LRRC69: variants seen among roughly 807,000 people sequenced by gnomAD.
The protein encoded by LRRC69 is leucine-rich repeat-containing protein 69.
In LRRC69, 42 loss-of-function variants were observed where a neutral mutation model predicts 37.8. The ratio of observed to expected loss-of-function variants is 1.11; its 90% CI spans 0.87 to 1.44. The LOEUF (loss-of-function observed/expected upper bound fraction) is 1.44, where lower values mean the gene tolerates loss of function less well. LRRC69 is among the 40% of genes most tolerant of loss of function. The pLI, the probability that LRRC69 is intolerant of heterozygous loss-of-function variation, is 0.00. For missense variants in LRRC69, 357 were observed against 401.9 expected (o/e 0.89, Z 0.96); for synonymous variants, 141 against 143.1 (o/e 0.99, Z 0.11).
chr8:91,182,806 G>A (rs541477311), intron 5 of LRRC69, among the ~76,000 whole-genome samples: 7 of 152,304 alleles, frequency 4.6e-5, no homozygotes, highest in South Asian at 2.1e-4. Context: ...GAGCTGTAGC[G>A]TGTAGAGAAA....
At chr8:91,144,281 A>G (rs1056029092) in intron 5 of LRRC69, among the ~76,000 whole-genome samples, 1 of 151,988 alleles carries the variant, frequency 6.6e-6, no homozygotes, top group African/African-American at 2.4e-5. Context: ...AGGGTGTACA[A>G]GGGTGGCTGG....
chr8:91,154,672 A>C (rs1283207498), intron 5 of LRRC69, among the ~76,000 whole-genome samples: 1 of 151,846 alleles, frequency 6.6e-6, no homozygotes, highest in Non-Finnish European at 1.5e-5. Context: ...AAAATTCAAC[A>C]TCCCTTCATG....
downstream of LRRC69, chr8:91,219,023 A>G (rs1810111280): frequency 3.7e-6 from 5 of 1,341,102 alleles, no homozygotes; most frequent in Admixed American, 1.0e-4. Context: ...GCTCATTCAT[A>G]GCCTCACTCC....
At chr8:91,183,569 C>T (rs2130601640) in intron 5 of LRRC69, among the ~76,000 whole-genome samples, 1 of 151,650 alleles carries the variant, frequency 6.6e-6, no homozygotes, top group Non-Finnish European at 1.5e-5. Flanking sequence ...GAGTGTGGAA[C>T]CAGAGTCTTT....
intron 6 of LRRC69, among the ~76,000 whole-genome samples, chr8:91,197,767 C>T (rs1028910593): frequency 1.3e-5 from 2 of 151,886 alleles, no homozygotes; most frequent in Non-Finnish European, 2.9e-5. Flanking sequence ...GAGATGAACC[C>T]GGTACCTCAG....
At chr8:91,194,992 T>C (rs1369788570) in intron 6 of LRRC69, among the ~76,000 whole-genome samples, 1 of 152,226 alleles carries the variant, frequency 6.6e-6, no homozygotes, top group Non-Finnish European at 1.5e-5. Flanking sequence ...TTGCTATAAA[T>C]TTCCCTCTAC....
At chr8:91,137,805 C>T (rs1308974181) in intron 5 of LRRC69, among the ~76,000 whole-genome samples, 2 of 151,964 alleles carry the variant, frequency 1.3e-5, no homozygotes, top group African/African-American at 4.8e-5. Context: ...AAAAATATGG[C>T]ACAACTGGTG....
chr8:91,154,398 A>T (rs1269464693), intron 5 of LRRC69, among the ~76,000 whole-genome samples: 1 of 151,872 alleles, frequency 6.6e-6, no homozygotes, highest in Non-Finnish European at 1.5e-5. Context: ...CATCATTCTG[A>T]TACCAAAGCC....
intron 5 of LRRC69, among the ~76,000 whole-genome samples, chr8:91,164,321 G>C (rs1217113595): frequency 6.6e-6 from 1 of 151,736 alleles, no homozygotes; most frequent in Middle Eastern, 3.4e-3. Context: ...CTACCCAAAG[G>C]TGTCAGGAAA....
intron 5 of LRRC69, among the ~76,000 whole-genome samples, chr8:91,152,816 T>G (rs893157573): frequency 1.3e-5 from 2 of 150,968 alleles, no homozygotes; most frequent in African/African-American, 4.8e-5. Context: ...AGCAGTGGTT[T>G]GTGAGTGTAC....
chr8:91,184,981 T>C (rs535921175), intron 5 of LRRC69, among the ~76,000 whole-genome samples: 1 of 151,756 alleles, frequency 6.6e-6, no homozygotes, highest in African/African-American at 2.4e-5. Context: ...AACCACTGGG[T>C]GGTTGTAAGA....
intron 7 of LRRC69, among the ~76,000 whole-genome samples, chr8:91,218,440 G>C (rs918727861): frequency 6.6e-6 from 1 of 152,086 alleles, no homozygotes; most frequent in African/African-American, 2.4e-5. Flanking sequence ...GAATAGTACA[G>C]ACAGTGAACA....
At chr8:91,218,561 C>T (rs1810100150) in intron 7 of LRRC69, among the ~76,000 whole-genome samples, 1 of 152,236 alleles carries the variant, frequency 6.6e-6, no homozygotes, top group South Asian at 2.1e-4. Flanking sequence ...TTTAATACCC[C>T]TGAAGGACAA....
intron 5 of LRRC69, among the ~76,000 whole-genome samples, chr8:91,166,107 ATTGAAC>A (rs1425278724): frequency 4.6e-5 from 7 of 151,864 alleles, no homozygotes; most frequent in Non-Finnish European, 8.8e-5. Context: ...GAAAATTTTA[ATTGAAC>A]TTGAACTTTA....
chr8:91,113,540 A>C (rs532324409), intron 1 of LRRC69, among the ~76,000 whole-genome samples: 11 of 152,028 alleles, frequency 7.2e-5, no homozygotes, highest in African/African-American at 2.7e-4. Flanking sequence ...CCCTTATCTC[A>C]TATGGTATAC....
At chr8:91,149,498 T>C (rs1249845698) in intron 5 of LRRC69, among the ~76,000 whole-genome samples, 1 of 152,004 alleles carries the variant, frequency 6.6e-6, no homozygotes, top group Non-Finnish European at 1.5e-5. Flanking sequence ...CCTTGTAGTA[T>C]AGTTTGAAGT....
chr8:91,133,128 T>C lies in LRRC69; in HGVS notation c.402T>C (p.Tyr134=), dbSNP rs542194803. ...TTTTTAGATTAAAAAGTCTTACTTA[T>C]ATGAGTATAAATTATAACCAACTAG... The change falls in exon 4 of 8, where the codon TAT becomes TAC. Residue 134 remains tyrosine (Y), a synonymous_variant. Transcript: ENST00000448384. 11 of 1,486,380 alleles carry C rather than the reference T, an allele frequency of 7.4e-6. 1 individual carries two copies. The South Asian group carries it at 1.3e-4, about 17-fold the overall frequency. 92.1% of individuals were successfully genotyped at this position (1,486,380 alleles called of 1,614,324 possible).
At chr8:91,154,403 A>G (rs1808796479) in intron 5 of LRRC69, among the ~76,000 whole-genome samples, 1 of 151,856 alleles carries the variant, frequency 6.6e-6, no homozygotes, top group African/African-American at 2.4e-5. Flanking sequence ...TTCTGATACC[A>G]AAGCCTGGCA....
exon 1 of LRRC69, chr8:91,102,821 C>A: frequency 6.5e-7 from 1 of 1,548,452 alleles, no homozygotes; most frequent in South Asian, 1.2e-5. Flanking sequence ...CAAAGTGTGT[C>A]CAGAGTTATG....
Sources: allele counts gnomAD v4.1 joint callset (sites outside exome capture counted in the v4.1 genomes callset), GRCh38; gene constraint gnomAD v4.1.1; transcripts MANE v1.5; gene names NCBI Gene and HGNC (gene_info 2026-07-23, HGNC 2026-07-21).